Variants in MBNL2 observed in about 807,000 individuals in gnomAD.
MBNL2 encodes muscleblind like splicing regulator 2.
In MBNL2, 17 loss-of-function variants were observed where a neutral mutation model predicts 41.9. That is an observed-to-expected ratio of 0.41 (90% CI 0.28 to 0.61). The LOEUF is 0.61. Among genes scored for constraint, MBNL2 ranks in the 20% least tolerant of loss-of-function variants. The pLI is 0.35. For missense variants in MBNL2, 336 were observed against 505.6 expected, an observed-to-expected ratio of 0.66 and a Z score of 3.22; for synonymous variants, 195 against 182.9, an observed-to-expected ratio of 1.07 and a Z score of -0.53.
At chr13:97,355,776 T>G (rs1161403386) in intron 5 of MBNL2, among the ~76,000 whole-genome samples, 3 of 152,228 alleles carry the variant, frequency 2.0e-5, no homozygotes, top group African/African-American at 7.2e-5. Flanking sequence ...AGTTCTTTGC[T>G]ATTATTTTTA....
At chr13:97,376,135 A>T (rs1475377459) in intron 8 of MBNL2, among the ~76,000 whole-genome samples, 9 of 152,188 alleles carry the variant, frequency 5.9e-5, no homozygotes, top group Admixed American at 5.9e-4. Context: ...TTCATCGACA[A>T]AGTGATGAAA....
chr13:97,295,572 A>T (rs990909046), intron 2 of MBNL2, among the ~76,000 whole-genome samples: 3 of 152,180 alleles, frequency 2.0e-5, no homozygotes, highest in Admixed American at 6.5e-5. Context: ...AGTTTGTTAC[A>T]TATCAAAAGG....
chr13:97,327,938 T>TATG (rs1455219785), intron 2 of MBNL2, among the ~76,000 whole-genome samples: 3 of 152,128 alleles, frequency 2.0e-5, no homozygotes, highest in Non-Finnish European at 2.9e-5. Flanking sequence ...TGATGATGAT[T>TATG]ATGATGATGA....
the MBNL2 span, among the ~76,000 whole-genome samples, chr13:97,209,365 C>T: frequency 6.6e-6 from 1 of 152,240 alleles, no homozygotes; most frequent in Non-Finnish European, 1.5e-5. Flanking sequence ...GAATCCACTT[C>T]AGCCACTAGG....
upstream of MBNL2, among the ~76,000 whole-genome samples, chr13:97,216,445 CG>C (rs1566345820): frequency 6.6e-6 from 1 of 152,078 alleles, no homozygotes; most frequent in African/African-American, 2.4e-5. Context: ...GACAAAGAGG[CG>C]GGATAGGCTT....
intron 8 of MBNL2, among the ~76,000 whole-genome samples, chr13:97,377,535 A>T (rs2065070715): frequency 6.6e-6 from 1 of 152,198 alleles, no homozygotes; most frequent in African/African-American, 2.4e-5. Flanking sequence ...GTCAAACCTA[A>T]TTCCCTCCTT....
At chr13:97,303,408 T>C (rs2057827886) in intron 2 of MBNL2, among the ~76,000 whole-genome samples, 1 of 151,950 alleles carries the variant, frequency 6.6e-6, no homozygotes, top group Non-Finnish European at 1.5e-5. Flanking sequence ...AGCAAAATCA[T>C]GGAGAAGGGA....
chr13:97,225,622 G>C (rs567450460), intron 1 of MBNL2, among the ~76,000 whole-genome samples: 1 of 152,182 alleles, frequency 6.6e-6, no homozygotes, highest in African/African-American at 2.4e-5. Context: ...GTTATAAAAA[G>C]GTAGGGAGGT....
chr13:97,243,775 C>T (rs2044821265), intron 1 of MBNL2, among the ~76,000 whole-genome samples: 2 of 152,150 alleles, frequency 1.3e-5, no homozygotes, highest in Admixed American at 6.5e-5. Context: ...CTAAATTTGC[C>T]AGCAAATAGC....
the MBNL2 span, among the ~76,000 whole-genome samples, chr13:97,167,408 A>T: frequency 6.6e-6 from 1 of 152,110 alleles, no homozygotes; most frequent in African/African-American, 2.4e-5. Context: ...AAAAAGAAAA[A>T]AAGTGTGTCT....
chr13:97,184,031 G>T, the MBNL2 span, among the ~76,000 whole-genome samples: 1 of 152,144 alleles, frequency 6.6e-6, no homozygotes, highest in East Asian at 1.9e-4. Flanking sequence ...TGGATATAAA[G>T]TATTACAGCT....
chr13:97,183,890 G>T, the MBNL2 span, among the ~76,000 whole-genome samples: 7 of 152,162 alleles, frequency 4.6e-5, no homozygotes, highest in Non-Finnish European at 1.0e-4. Context: ...TATTTGGCCT[G>T]TACAGGAATG....
chr13:97,169,054 C>T, the MBNL2 span, among the ~76,000 whole-genome samples: 1 of 152,172 alleles, frequency 6.6e-6, no homozygotes, highest in African/African-American at 2.4e-5. Flanking sequence ...CCCCCTTTGT[C>T]GCATGGCTTC....
At chr13:97,305,766 C>A (rs2058067769) in intron 2 of MBNL2, among the ~76,000 whole-genome samples, 1 of 121,288 alleles carries the variant, frequency 8.2e-6, no homozygotes. Context: ...GAGACCCCGT[C>A]TCAAAACAAA....
At chr13:97,390,459 T>C (rs573285786) in intron 8 of MBNL2, among the ~76,000 whole-genome samples, 6 of 152,356 alleles carry the variant, frequency 3.9e-5, no homozygotes, top group African/African-American at 1.2e-4. Flanking sequence ...GAATAAACGC[T>C]TTGCTTATTA....
intron 8 of MBNL2, among the ~76,000 whole-genome samples, chr13:97,385,480 A>C (rs1401715058): frequency 6.6e-6 from 1 of 152,190 alleles, no homozygotes; most frequent in Non-Finnish European, 1.5e-5. Context: ...TCTCTTTTCT[A>C]ATTGCTTGAT....
intron 1 of MBNL2, among the ~76,000 whole-genome samples, chr13:97,265,190 T>G (rs565321022): frequency 1.3e-5 from 2 of 152,246 alleles, no homozygotes; most frequent in African/African-American, 2.4e-5. Context: ...GAAAAGAGAT[T>G]GGAAATTTTT....
chr13:97,162,278 C>T, the MBNL2 span, among the ~76,000 whole-genome samples: 8 of 151,916 alleles, frequency 5.3e-5, no homozygotes, highest in African/African-American at 1.2e-4. Context: ...AGACCCAAAG[C>T]GTATCAACAT....
the MBNL2 span, among the ~76,000 whole-genome samples, chr13:97,164,240 T>C: frequency 6.6e-6 from 1 of 152,220 alleles, no homozygotes; most frequent in Non-Finnish European, 1.5e-5. Context: ...ATTCCTGGAC[T>C]CAAGCGATCC....
Sources: allele counts gnomAD v4.1 joint callset (sites outside exome capture counted in the v4.1 genomes callset), GRCh38; gene constraint gnomAD v4.1.1; transcripts MANE v1.5; gene names NCBI Gene and HGNC (gene_info 2026-07-23, HGNC 2026-07-21).